Variants in PLEKHA5 observed in about 807,000 individuals in gnomAD.
PLEKHA5 encodes pleckstrin homology domain-containing family A member 5.
PLEKHA5 carries 55 observed loss-of-function variants against 181.9 expected under a neutral mutation model. The ratio of observed to expected loss-of-function variants is 0.30; its 90% confidence interval spans 0.24 to 0.38. PLEKHA5 has a LOEUF of 0.38. PLEKHA5 is among the 10% of genes least tolerant of loss of function. The pLI is 1.00. For synonymous variants in PLEKHA5, 535 were observed against 529.4 expected (o/e 1.01, Z -0.15); for missense variants, 1,432 against 1,549.5 (o/e 0.92, Z 1.27).
At chr12:19,204,184 T>G (rs1592055404) in intron 3 of PLEKHA5, among the ~76,000 whole-genome samples, 1 of 151,854 alleles carries the variant, frequency 6.6e-6, no homozygotes, top group Non-Finnish European at 1.5e-5. Context: ...TATAGAAGGG[T>G]GATTTACAAT....
chr12:19,344,284 A>G (rs2094158496), intron 22 of PLEKHA5, among the ~76,000 whole-genome samples: 1 of 152,168 alleles, frequency 6.6e-6, no homozygotes, highest in Admixed American at 6.6e-5. Context: ...TCTGTCAACC[A>G]TACCTAAACA....
chr12:19,135,920 C>G (rs2035500918), intron 3 of PLEKHA5, among the ~76,000 whole-genome samples: 1 of 147,418 alleles, frequency 6.8e-6, no homozygotes, highest in Admixed American at 6.8e-5. Context: ...CACTGTGTCA[C>G]CCAGGCTGGA....
intron 3 of PLEKHA5, among the ~76,000 whole-genome samples, chr12:19,154,910 TAA>T (rs979643813): frequency 6.6e-6 from 1 of 152,202 alleles, no homozygotes; most frequent in Admixed American, 6.5e-5. Flanking sequence ...CTAATGATGT[TAA>T]GTTAAAGCCA....
At chr12:19,369,635 CT>C (rs2095527320) in intron 30 of PLEKHA5, 57 bp from the exon 31 acceptor site, 1 of 1,026,094 alleles carries the variant, frequency 9.7e-7, no homozygotes, top group African/African-American at 1.6e-5. Context: ...TCAGGATTTA[CT>C]TCTCCAAATG....
chr12:19,275,322 C>T (rs532915304), intron 11 of PLEKHA5, among the ~76,000 whole-genome samples: 3 of 152,216 alleles, frequency 2.0e-5, no homozygotes, highest in Non-Finnish European at 4.4e-5. Flanking sequence ...ATTATCACCT[C>T]TTCTCTGACT....
intron 3 of PLEKHA5, among the ~76,000 whole-genome samples, chr12:19,170,162 A>G (rs1343989986): frequency 2.6e-5 from 4 of 152,202 alleles, no homozygotes; most frequent in African/African-American, 4.8e-5. Flanking sequence ...CAATCCCAGT[A>G]TCTGGAAATG....
chr12:19,142,592 TAAC>T (rs1238348812), intron 3 of PLEKHA5, among the ~76,000 whole-genome samples: 1 of 152,216 alleles, frequency 6.6e-6, no homozygotes, highest in South Asian at 2.1e-4. Flanking sequence ...TGTAGTCTGA[TAAC>T]AATAGCTTTT....
chr12:19,367,729 G>A (rs1382437302), intron 30 of PLEKHA5, among the ~76,000 whole-genome samples: 8 of 150,754 alleles, frequency 5.3e-5, no homozygotes, highest in African/African-American at 9.7e-5. Flanking sequence ...GTAGGTGTCC[G>A]TCACCACGCC....
chr12:19,325,341 C>A (rs1315846958), intron 20 of PLEKHA5, among the ~76,000 whole-genome samples: 2 of 151,998 alleles, frequency 1.3e-5, no homozygotes, highest in African/African-American at 4.8e-5. Flanking sequence ...TGTGATTGTG[C>A]CACTGCACTC....
chr12:19,193,003 G>A (rs1001382699), intron 3 of PLEKHA5, among the ~76,000 whole-genome samples: 1 of 152,198 alleles, frequency 6.6e-6, no homozygotes, highest in African/African-American at 2.4e-5. Flanking sequence ...AAAGTTGATA[G>A]TTTTGACAGA....
chr12:19,160,471 G>A (rs928149652), intron 3 of PLEKHA5, among the ~76,000 whole-genome samples: 4 of 152,060 alleles, frequency 2.6e-5, no homozygotes, highest in Non-Finnish European at 4.4e-5. Context: ...ATGTGCTTCT[G>A]TTGGGAAACG....
Position 19,240,252 on chromosome 12 carries a change from T to C in PLEKHA5, c.228-13688T>C, listed in dbSNP as rs1238797785. Among the ~76,000 whole-genome samples, 4 of 152,190 alleles carry C rather than the reference T, an allele frequency of 2.6e-5. No homozygotes were observed. In the East Asian group the frequency reaches 7.7e-4, roughly 29 times the overall value. On this transcript the variant is annotated intron_variant, in intron 3 of 31. Transcript: ENST00000429027. ...CTACAATAAAATAATTGGATCTCTT[T>C]AAATTGTGTGGCAATTTATGTATAG...
chr12:19,163,013 C>G (rs755330321), intron 3 of PLEKHA5, among the ~76,000 whole-genome samples: 30 of 152,212 alleles, frequency 2.0e-4, no homozygotes, highest in Non-Finnish European at 3.5e-4. Flanking sequence ...AGAAACATTG[C>G]TGGCTCTTTT....
At chr12:19,356,324 G>A (rs1036447771) in intron 26 of PLEKHA5, among the ~76,000 whole-genome samples, 2 of 151,990 alleles carry the variant, frequency 1.3e-5, no homozygotes, top group African/African-American at 4.8e-5. Context: ...AGACTAGCCT[G>A]AGCAACATAA....
intron 3 of PLEKHA5, among the ~76,000 whole-genome samples, chr12:19,245,034 A>T (rs1490567433): frequency 6.6e-6 from 1 of 152,226 alleles, no homozygotes; most frequent in Non-Finnish European, 1.5e-5. Flanking sequence ...GCATTATGAA[A>T]GGTAGTGTGT....
intron 12 of PLEKHA5, 38 bp from the exon 13 acceptor site, chr12:19,287,435 C>A: frequency 2.3e-6 from 3 of 1,278,276 alleles, no homozygotes; most frequent in South Asian, 1.3e-5. Context: ...AAAAAAAAAA[C>A]TTTACCACAG....
chr12:19,326,741 C>T (rs545725372), intron 20 of PLEKHA5, among the ~76,000 whole-genome samples: 11 of 152,296 alleles, frequency 7.2e-5, no homozygotes, highest in Admixed American at 6.5e-4. Flanking sequence ...CCACAGTAGT[C>T]CCCAGTTTCA....
At chr12:19,250,413 C>T (rs1352326024) in intron 3 of PLEKHA5, among the ~76,000 whole-genome samples, 1 of 151,992 alleles carries the variant, frequency 6.6e-6, no homozygotes, top group Non-Finnish European at 1.5e-5. Context: ...GGTGAAACCC[C>T]TCTCTACTAA....
chr12:19,226,381 G>T (rs1182739279), intron 3 of PLEKHA5, among the ~76,000 whole-genome samples: 1 of 152,140 alleles, frequency 6.6e-6, no homozygotes, highest in Admixed American at 6.5e-5. Context: ...TGGCTATTAT[G>T]AATAGTATTG....
Sources: gnomAD v4.1 joint callset for allele counts (sites outside exome capture counted in the v4.1 genomes callset) on GRCh38, gnomAD v4.1.1 for gene constraint, MANE v1.5 for transcripts, NCBI Gene and HGNC (gene_info 2026-07-23, HGNC 2026-07-21) for gene names.